Variants in PCDHGA5 observed in about 807,000 individuals in gnomAD.
The protein encoded by PCDHGA5 is protocadherin gamma-A5.
Under a neutral mutation model 56.7 loss-of-function variants are expected in PCDHGA5, and 36 were observed. The observed-to-expected ratio is 0.64, with a 90% CI of 0.49 to 0.84. The LOEUF is 0.84. PCDHGA5 is among the 40% of genes least tolerant of loss of function. The pLI, the probability that PCDHGA5 is intolerant of heterozygous loss-of-function variation, is 0.00. For synonymous variants in PCDHGA5, 563 were observed against 520.2 expected (o/e 1.08, Z -1.12); for missense variants, 1,305 against 1,201.5 (o/e 1.09, Z -1.27).
intron 1 of PCDHGA5, chr5:141,371,977 T>C (rs1768257593): frequency 1.2e-6 from 2 of 1,613,238 alleles, no homozygotes; most frequent in Non-Finnish European, 1.7e-6. Context: ...CTGCGTGCCT[T>C]CGAGCTCACT....
rs977174958 is a variant in PCDHGA5, at chr5:141,394,524, G to C, written c.2421+27773G>C. 3.7e-6 allele frequency: 6 copies of C among 1,614,096 alleles called. No homozygotes were observed. The African/African-American group carries it at 6.7e-5, about 18-fold the overall frequency. ...CCTGTACCCCGCCCTCCCCACAGAC[G>C]GTTCCACTGGCGTGGAGCTGGCGCC... On this transcript the variant is annotated intron_variant, in intron 1 of 3. Coordinates refer to ENST00000518069, the MANE Select transcript of PCDHGA5 (RefSeq NM_018918.3).
intron 1 of PCDHGA5, chr5:141,414,152 A>G (rs1251267001): frequency 1.9e-6 from 3 of 1,600,994 alleles, no homozygotes; most frequent in Non-Finnish European, 2.6e-6. Context: ...ATACAAGCAG[A>G]AGATGGAGGA....
chr5:141,409,756 C>G, intron 1 of PCDHGA5: 1 of 1,612,994 alleles, frequency 6.2e-7, no homozygotes, highest in Non-Finnish European at 8.5e-7. Context: ...TCGCGCAGCG[C>G]GCCTTTGATC....
At chr5:141,500,488 C>T (rs569168291) in intron 2 of PCDHGA5, among the ~76,000 whole-genome samples, 4 of 152,178 alleles carry the variant, frequency 2.6e-5, no homozygotes, top group South Asian at 2.1e-4. Flanking sequence ...GGATTACAGG[C>T]GTGAGCCACC....
rs774630488 is a variant in PCDHGA5 at position 141,490,640 on chromosome 5, G to A, written c.2422-4167G>A. On this transcript the variant is annotated intron_variant, in intron 1 of 3. Transcript: ENST00000518069. The surrounding 1 kb of genome is among the most constrained non-coding windows in gnomAD (Gnocchi z 5.4). Reference sequence around the variant, plus strand: ...TACACTGCTTACATCCTAGAAAACCGGCCTCCGGGCTCCCTTCTTTGCACT... The same window carrying A: ...TACACTGCTTACATCCTAGAAAACCAGCCTCCGGGCTCCCTTCTTTGCACT... 2.6e-5 allele frequency: 42 copies of A among 1,614,004 alleles called. No individual in the cohort carries two copies. The highest frequency in any genetic ancestry group is 1.6e-4 in the Middle Eastern group (1 of 6,084).
chr5:141,501,228 A>G (rs1054674676), intron 2 of PCDHGA5, among the ~76,000 whole-genome samples: 10 of 149,588 alleles, frequency 6.7e-5, no homozygotes, highest in African/African-American at 2.5e-4. Context: ...TAGATTTCTC[A>G]GTTTTTTGAG....
chr5:141,406,375 T>C (rs1427638211), intron 1 of PCDHGA5, among the ~76,000 whole-genome samples: 1 of 152,186 alleles, frequency 6.6e-6, no homozygotes, highest in Non-Finnish European at 1.5e-5. Flanking sequence ...GGTAAACTGA[T>C]AAAAAGGTAA....
chr5:141,420,905 T>TA (rs545324172), intron 1 of PCDHGA5: 3 of 299,970 alleles, frequency 1.0e-5, no homozygotes, highest in Non-Finnish European at 1.9e-5. Flanking sequence ...GCTCTACAAA[T>TA]ACGTGTGATT....
intron 1 of PCDHGA5, chr5:141,418,409 G>A (rs2096254230): frequency 6.2e-7 from 1 of 1,613,792 alleles, no homozygotes; most frequent in African/African-American, 1.3e-5. Context: ...GGTGGAGAAA[G>A]ACAATCCTGA....
At chr5:141,374,291 G>A (rs988844728) in intron 1 of PCDHGA5, 2 of 1,613,858 alleles carry the variant, frequency 1.2e-6, no homozygotes, top group African/African-American at 1.3e-5. Flanking sequence ...CGTCTCCAGA[G>A]GTAGGATGCA....
At chr5:141,378,836 C>T (rs912790603) in intron 1 of PCDHGA5, 1 of 152,138 alleles carries the variant, frequency 6.6e-6, no homozygotes, top group African/African-American at 2.4e-5. Flanking sequence ...CAGAAAACAG[C>T]AGAGTTTTTG....
At chr5:141,475,813 T>C in intron 1 of PCDHGA5, 1 of 334,788 alleles carries the variant, frequency 3.0e-6, no homozygotes, top group East Asian at 5.5e-5. Flanking sequence ...GAAAGTGAAG[T>C]TCCTGGCGCT....
intron 1 of PCDHGA5, chr5:141,383,127 C>T (rs1778840587): frequency 3.7e-6 from 6 of 1,614,054 alleles, no homozygotes; most frequent in Non-Finnish European, 4.2e-6. Flanking sequence ...AGCTTTTCGC[C>T]CTGAACCAGC....
chr5:141,460,995 A>ATG lies in PCDHGA5; in HGVS notation c.2422-33808_2422-33807dup, dbSNP rs1561986931. Among the ~76,000 whole-genome samples the ATG allele has an allele frequency of 5.3e-5, 8 of 150,188 alleles. No homozygotes were observed. The East Asian group carries it at 1.4e-3, about 26-fold the overall frequency. On this transcript the variant is annotated intron_variant, in intron 1 of 3. Transcript: ENST00000518069. ...TGTGTGTGTGTGTGTATATATATAT[A>ATG]TGTGTATATATATATACCACATTTT...
intron 1 of PCDHGA5, chr5:141,478,588 T>G (rs2099465964): frequency 6.3e-7 from 1 of 1,575,000 alleles, no homozygotes; most frequent in African/African-American, 1.4e-5. Flanking sequence ...TAGTGCTTTT[T>G]TATTCCTACA....
intron 1 of PCDHGA5, among the ~76,000 whole-genome samples, chr5:141,472,357 C>T (rs1020143523): frequency 2.4e-4 from 37 of 152,012 alleles, no homozygotes; most frequent in Non-Finnish European, 1.5e-4. Context: ...CTGGCTAACA[C>T]GGTGAAACCC....
In PCDHGA5 at chr5:141,378,383, T is replaced by G. The variant is rs559607457; in HGVS notation, c.2421+11632T>G. 8.5e-5 allele frequency: 13 copies of G among 152,064 alleles called. 1 individual carries two copies. The South Asian group carries it at 1.5e-3, about 17-fold the overall frequency. 9.4% of individuals were successfully genotyped at this position (152,064 alleles called of 1,614,324 possible). A position where few individuals can be genotyped will look rare whatever the true frequency, so the allele number is the denominator to read the frequency against. On this transcript the variant is annotated intron_variant, in intron 1 of 3. Transcript: ENST00000518069. Reference sequence around the variant, plus strand: ...ACTAAAAATACAAAAATTAGCCAGGTGGGGTGGCATGGGCCTGTAATCGCA... The same window carrying G: ...ACTAAAAATACAAAAATTAGCCAGGGGGGGTGGCATGGGCCTGTAATCGCA...
At chr5:141,502,781 C>G (rs1360359268) in intron 2 of PCDHGA5, among the ~76,000 whole-genome samples, 2 of 151,658 alleles carry the variant, frequency 1.3e-5, no homozygotes, top group Non-Finnish European at 2.9e-5. Flanking sequence ...TGAAAATTAC[C>G]TGGATGATTT....
chr5:141,371,742 C>T (rs773429109), intron 1 of PCDHGA5: 16 of 1,613,950 alleles, frequency 9.9e-6, no homozygotes, highest in Middle Eastern at 1.6e-4. Flanking sequence ...CGACAACGTT[C>T]CCGTTTTCCA....
Sources: allele counts gnomAD v4.1 joint callset (sites outside exome capture counted in the v4.1 genomes callset), GRCh38; gene constraint gnomAD v4.1.1; non-coding constraint Gnocchi (gnomAD v3.1); transcripts MANE v1.5; gene names NCBI Gene and HGNC (gene_info 2026-07-23, HGNC 2026-07-21).